BAHCC1: variants seen among roughly 807,000 people sequenced by gnomAD.
BAHCC1 encodes the protein BAH and coiled-coil domain-containing protein 1.
A neutral mutation model predicts 88.2 loss-of-function variants in BAHCC1; 43 were observed. That is an observed-to-expected ratio of 0.49 (90% CI 0.38 to 0.63). The LOEUF is 0.63. Among genes scored for constraint, BAHCC1 ranks in the 20% least tolerant of loss-of-function variants. The pLI is 0.00. For synonymous variants in BAHCC1, 1,510 were observed against 745.5 expected (o/e 2.03, Z -16.71); for missense variants, 3,023 against 1,654.8 (o/e 1.83, Z -14.34).
In BAHCC1 at chr17:81,444,456, C is replaced by G; in HGVS notation, c.2400C>G (p.Leu800=). The change falls in exon 7 of 28, where the codon CTC becomes CTG. Residue 800 remains leucine, a synonymous_variant. Transcript: ENST00000675386. ...SSCPGDLAPH[L]MMQSGQLGGD... is the part of the protein sequence containing the mutation. The stretch of plus-strand genomic sequence containing the variant: ...GCCCTGGGGACCTGGCCCCCCACCT[C>G]ATGATGCAGAGCGGCCAGCTGGGCG... 1.4e-6 allele frequency: 1 copy of G among 738,182 alleles called. No individual in the cohort carries two copies. The highest frequency in any genetic ancestry group is 2.5e-6 in the Non-Finnish European group (1 of 398,362). The allele number at this position is 738,182 out of a possible 1,614,324, so 45.7% of individuals were successfully genotyped here.
intron 17 of BAHCC1, among the ~76,000 whole-genome samples, chr17:81,457,814 G>T (rs1406794532): frequency 1.1e-5 from 1 of 91,280 alleles, no homozygotes; most frequent in African/African-American, 4.6e-5. Flanking sequence ...GGTAACCGGG[G>T]GGAGGGCAGG....
rs1401084186 is a variant in BAHCC1 at position 81,444,577 on chromosome 17, TC to T, written c.2512+11del. 6 of 733,614 alleles carry T rather than the reference TC, an allele frequency of 8.2e-6. No individual in the cohort carries two copies. The African/African-American group carries it at 1.0e-4, about 13-fold the overall frequency. 45.4% of individuals were successfully genotyped at this position (733,614 alleles called of 1,614,324 possible). A position where few individuals can be genotyped will look rare whatever the true frequency, so the allele number is the denominator to read the frequency against. On this transcript the variant is annotated intron_variant, in intron 7 of 27. Coordinates refer to ENST00000675386, the MANE Select transcript of BAHCC1 (RefSeq NM_001377448.1). ...GGGGGGGCACTCCTACGGTCAGTGA[TC>T]CAAGGGCGGGGGCTGGCCTGGGGCT... is the stretch of plus-strand genomic sequence containing the variant.
Position 81,445,620 on chromosome 17 carries a change from C to T in BAHCC1, c.3102C>T (p.Ser1034=), listed in dbSNP as rs868984769. Residue 1034 remains serine (S), a synonymous_variant, in exon 10 of 28, where the codon AGC becomes AGT. Transcript: ENST00000675386. ...SSPGPGSRVR[S]AEEKNGEGQQ... ...CCGGGCCTGGCTCCCGGGTGCGCAG[C>T]GCCGAGGAAAAGAATGGGGAGGGTC... The T allele has an allele frequency of 1.1e-5, 8 of 732,098 alleles. No individual in the cohort carries two copies. The highest frequency in any genetic ancestry group is 7.3e-5 in the South Asian group (5 of 68,446). 45.4% of individuals were successfully genotyped at this position (732,098 alleles called of 1,614,324 possible). A position where few individuals can be genotyped will look rare whatever the true frequency, so the allele number is the denominator to read the frequency against.
Position 81,459,546 on chromosome 17 carries a change from G to T in BAHCC1, c.5847G>T (p.Arg1949=), listed in dbSNP as rs1555658555. 3 of 779,668 alleles carry T rather than the reference G, an allele frequency of 3.8e-6. No homozygotes were observed. Among genetic ancestry groups the T allele is most frequent in the Non-Finnish European group, 7.2e-6 (3 of 417,890 alleles). 48.3% of individuals were successfully genotyped at this position (779,668 alleles called of 1,614,324 possible). A position where few individuals can be genotyped will look rare whatever the true frequency, so the allele number is the denominator to read the frequency against. ...GCCGGTACCTCCCGCCCGGCACGCG[G>T]GTCTGCGCCTACTGGAGTCAGAAGT... ...QSSRYLPPGT[R]VCAYWSQKSR... Residue 1949 remains arginine (R), a synonymous_variant, in exon 23 of 28, where the codon CGG becomes CGT. Coordinates refer to ENST00000675386, the MANE Select transcript of BAHCC1 (RefSeq NM_001377448.1).
rs991366277 is a variant in BAHCC1, at chr17:81,429,557, C to T, written c.358+2578C>T. On this transcript the variant is annotated intron_variant, in intron 3 of 27. Transcript: ENST00000675386. ...TTTGACAGGGTGCCAGCTGGCTCCC[C>T]GTGCGCCGGGCCTGTTTCTCTGCCG... Among the ~76,000 whole-genome samples, 26 of 152,194 alleles carry T rather than the reference C, an allele frequency of 1.7e-4. 1 individual carries two copies. The South Asian group carries it at 5.4e-3, about 32-fold the overall frequency.
intron 2 of BAHCC1, among the ~76,000 whole-genome samples, chr17:81,425,516 T>A (rs1202449431): frequency 9.0e-6 from 1 of 110,544 alleles, no homozygotes; most frequent in Non-Finnish European, 1.8e-5. Flanking sequence ...GGGGTGATAG[T>A]GGTGGGTGAT....
chr17:81,407,214 G>A, intron 2 of BAHCC1: 1 of 412,306 alleles, frequency 2.4e-6, no homozygotes, highest in Non-Finnish European at 4.9e-6. Flanking sequence ...AATGGGGGAT[G>A]GGTGTGCTTC....
intron 2 of BAHCC1, among the ~76,000 whole-genome samples, chr17:81,407,803 C>T (rs1296124130): frequency 6.6e-6 from 1 of 152,222 alleles, no homozygotes; most frequent in East Asian, 1.9e-4. Context: ...GCAACATACA[C>T]CTGCTCCTGT....
At chr17:81,420,267 C>T (rs1287158602) in intron 2 of BAHCC1, among the ~76,000 whole-genome samples, 1 of 152,234 alleles carries the variant, frequency 6.6e-6, no homozygotes, top group Non-Finnish European at 1.5e-5. Context: ...ATCGGCTGTC[C>T]TGGCCACTTA....
chr17:81,438,243 T>C, intron 3 of BAHCC1, 127 bp from the exon 4 acceptor site: 1 of 665,054 alleles, frequency 1.5e-6, no homozygotes, highest in East Asian at 2.7e-5. Flanking sequence ...CCCCGGCGGC[T>C]GCGTGCTGGG....
In BAHCC1 at chr17:81,462,500, C is replaced by T. The variant is rs995795454; in HGVS notation, c.7384-240C>T. 20 of 552,966 alleles carry T rather than the reference C, an allele frequency of 3.6e-5. 1 individual carries two copies. Among genetic ancestry groups the T allele is most frequent in the Middle Eastern group, 4.7e-4 (1 of 2,116 alleles). The allele number at this position is 552,966 out of a possible 1,614,324, so 34.3% of individuals were successfully genotyped here. On this transcript the variant is annotated intron_variant, in intron 26 of 27. Transcript: ENST00000675386. ...TTGTCCACATGTCCCTGTCCCAGAT[C>T]CAGTGTCCAGACGTCATGATTCCAT... is the stretch of plus-strand genomic sequence containing the variant.
chr17:81,425,221 T>TTGGGGGTGATGTGGG (rs1428006707), intron 2 of BAHCC1, among the ~76,000 whole-genome samples: 1 of 96,176 alleles, frequency 1.0e-5, no homozygotes, highest in Non-Finnish European at 2.0e-5. Context: ...GGTGATGTGG[T>TTGGGGGTGATGTGGG]TGGTGGTGAT....
chr17:81,449,459 C>A (rs1170308662), intron 11 of BAHCC1, among the ~76,000 whole-genome samples: 4 of 152,180 alleles, frequency 2.6e-5, no homozygotes, highest in African/African-American at 9.7e-5. Flanking sequence ...GAGAAAAAGC[C>A]CCCACCATCG....
chr17:81,449,722 G>A (rs538750919), intron 11 of BAHCC1, among the ~76,000 whole-genome samples: 27 of 151,290 alleles, frequency 1.8e-4, no homozygotes, highest in Admixed American at 5.9e-4. Flanking sequence ...GCGGATCCTG[G>A]ACCCAGCAGC....
chr17:81,418,218 G>A lies in BAHCC1; in HGVS notation c.179-8582G>A, dbSNP rs542376933. Among the ~76,000 whole-genome samples, 34 of 152,328 alleles carry A rather than the reference G, an allele frequency of 2.2e-4. No individual in the cohort carries two copies. In the South Asian group the frequency reaches 5.4e-3, roughly 24 times the overall value. On this transcript the variant is annotated intron_variant, in intron 2 of 27. Transcript: ENST00000675386. Reference sequence around the variant, plus strand: ...TGCAGTCGGGACAGAGCGCCGCCCCGAATCTGGACAGTTTGCGGGCCCTGG... The same window carrying A: ...TGCAGTCGGGACAGAGCGCCGCCCCAAATCTGGACAGTTTGCGGGCCCTGG...
rs782299486 is a variant in BAHCC1, at chr17:81,447,388, C to T, written c.3516C>T (p.Gly1172=). 12 of 741,246 alleles carry T rather than the reference C, an allele frequency of 1.6e-5. No homozygotes were observed. In the East Asian group the frequency reaches 3.0e-4, roughly 19 times the overall value. The allele number at this position is 741,246 out of a possible 1,614,324, so 45.9% of individuals were successfully genotyped here. A position where few individuals can be genotyped will look rare whatever the true frequency, so the allele number is the denominator to read the frequency against. ...LLEAGGPEAT[G]QAHSTQGGAR... ...AGGCAGGGGGCCCCGAGGCCACCGG[C>T]CAGGCTCATTCTACTCAGGGAGGGG... is the stretch of plus-strand genomic sequence containing the variant. Residue 1172 remains glycine (G), a synonymous_variant, in exon 11 of 28, where the codon GGC becomes GGT. Coordinates refer to ENST00000675386, the MANE Select transcript of BAHCC1 (RefSeq NM_001377448.1).
At chr17:81,436,451 T>C (rs1386068897) in intron 3 of BAHCC1, among the ~76,000 whole-genome samples, 1 of 152,226 alleles carries the variant, frequency 6.6e-6, no homozygotes, top group East Asian at 1.9e-4. Flanking sequence ...AAACGGTGTC[T>C]GGGAAGGAGG....
At position 81,461,418 on chromosome 17, in the gene BAHCC1, T is replaced by G. The variant is rs1555659313; in HGVS notation, c.6755T>G (p.Val2252Gly). 2.8e-6 allele frequency: 2 copies of G among 727,096 alleles called. No homozygotes were observed. Among genetic ancestry groups the G allele is most frequent in the Admixed American group, 1.8e-5 (1 of 54,146 alleles). The allele number at this position is 727,096 out of a possible 1,614,324, so 45.0% of individuals were successfully genotyped here. A position where few individuals can be genotyped will look rare whatever the true frequency, so the allele number is the denominator to read the frequency against. The change falls in exon 26 of 28, where the codon GTG becomes GGG. Residue 2252 changes from valine (V) to glycine (G), a missense_variant. Val to Gly is a moderately radical substitution (Grantham distance 109). Transcript: ENST00000675386. The stretch of plus-strand genomic sequence containing the variant: ...CCCAGCTATGTGCACCCGGCCCTTG[T>G]GGGCAAGGACAAGAAGGGGCGGGCA... ...PSPSYVHPAL[V>G]GKDKKGRAPI...
At chr17:81,456,149 A>G (rs782551427) in intron 15 of BAHCC1, 148 bp from the exon 16 acceptor site, 4 of 577,202 alleles carry the variant, frequency 6.9e-6, no homozygotes, top group Non-Finnish European at 1.2e-5. Flanking sequence ...TCTCTGGGCC[A>G]GACATCCCTT....
Sources: gnomAD v4.1 joint callset for allele counts (sites outside exome capture counted in the v4.1 genomes callset) on GRCh38, gnomAD v4.1.1 for gene constraint, MANE v1.5 for transcripts, NCBI Gene and HGNC (gene_info 2026-07-23, HGNC 2026-07-21) for gene names.